The following C13orf46 variants were observed in gnomAD, a reference collection of about 807,000 sequenced individuals.
The protein encoded by C13orf46 is uncharacterized protein C13orf46.
chr13:113,953,101 C>G (rs994305964), downstream of C13orf46, among the ~76,000 whole-genome samples: 2 of 152,258 alleles, frequency 1.3e-5, no homozygotes, highest in African/African-American at 4.8e-5. Flanking sequence ...CTGAGTTCAG[C>G]GCCCACTGAG....
Position 113,962,006 on chromosome 13 carries a change from C to T in C13orf46, c.572+2921G>A, listed in dbSNP as rs1009014169. 8.1e-3 allele frequency among the ~76,000 whole-genome samples: 1,228 copies of T among 152,230 alleles called. 11 individuals are homozygous for T. The highest frequency in any genetic ancestry group is 0.012 in the Non-Finnish European group (829 of 68,012). Reference sequence around the variant, plus strand: ...ATGCTATGAAGTGTGCAGTGCTCTGCGTGATCTGTGGTTTCCCTGTAACAG... The same window carrying T: ...ATGCTATGAAGTGTGCAGTGCTCTGTGTGATCTGTGGTTTCCCTGTAACAG... On this transcript the variant is annotated intron_variant, in intron 6 of 6. Transcript: ENST00000636427.
intron 1 of C13orf46, among the ~76,000 whole-genome samples, chr13:113,972,138 C>G (rs1322682397): frequency 4.6e-5 from 7 of 152,162 alleles, no homozygotes; most frequent in African/African-American, 1.7e-4. Context: ...TCCATCCGAC[C>G]CCGGCCTCTA....
the C13orf46 span, among the ~76,000 whole-genome samples, chr13:113,945,575 A>AAGAGAGAG: frequency 3.1e-3 from 272 of 89,100 alleles, 4 homozygotes; most frequent in Middle Eastern, 0.019. Context: ...GAAAGAAAGA[A>AAGAGAGAG]AGAGAGAGAG....
chr13:113,927,511 C>G, the C13orf46 span: 1 of 398,750 alleles, frequency 2.5e-6, no homozygotes, highest in Non-Finnish European at 4.4e-6. Context: ...AAGGCCACAT[C>G]GATGCTTGGA....
At chr13:113,968,135 C>T (rs919726160) in intron 4 of C13orf46, among the ~76,000 whole-genome samples, 5 of 152,226 alleles carry the variant, frequency 3.3e-5, no homozygotes, top group African/African-American at 9.6e-5. Context: ...CACAGCATGA[C>T]GTGTCCCTGG....
chr13:113,939,920 T>C, the C13orf46 span, among the ~76,000 whole-genome samples: 3 of 152,248 alleles, frequency 2.0e-5, no homozygotes, highest in African/African-American at 7.2e-5. Context: ...AGAAACCGGG[T>C]GCCAGGCAGG....
At chr13:113,930,934 G>A in the C13orf46 span, among the ~76,000 whole-genome samples, 7 of 152,332 alleles carry the variant, frequency 4.6e-5, no homozygotes, top group African/African-American at 1.4e-4. Flanking sequence ...GGTGGGTCAC[G>A]GCCTCCAGGG....
chr13:113,967,623 G>C (rs935932580), intron 4 of C13orf46, among the ~76,000 whole-genome samples: 1 of 152,152 alleles, frequency 6.6e-6, no homozygotes, highest in Non-Finnish European at 1.5e-5. Flanking sequence ...ATGTAGGAGG[G>C]ATATGGCTTT....
downstream of C13orf46, among the ~76,000 whole-genome samples, chr13:113,948,841 C>T: frequency 6.6e-6 from 1 of 152,296 alleles, no homozygotes; most frequent in Middle Eastern, 3.4e-3. Flanking sequence ...GGTCTTTGTC[C>T]CCTGTTCCAG....
At chr13:113,949,767 G>A (rs2052481823), downstream of C13orf46, among the ~76,000 whole-genome samples, 1 of 152,120 alleles carries the variant, frequency 6.6e-6, no homozygotes, top group Admixed American at 6.5e-5. Flanking sequence ...GTGGAGTGGG[G>A]TCATCACTCA....
intron 1 of C13orf46, among the ~76,000 whole-genome samples, chr13:113,973,321 G>A (rs2052728341): frequency 6.6e-6 from 1 of 152,194 alleles, no homozygotes; most frequent in African/African-American, 2.4e-5. Flanking sequence ...CAGGGACAGA[G>A]ATCACGGTCC....
chr13:113,960,082 C>T (rs968304329), intron 6 of C13orf46, among the ~76,000 whole-genome samples: 2 of 151,816 alleles, frequency 1.3e-5, no homozygotes, highest in African/African-American at 2.4e-5. Context: ...GAAACCTTGT[C>T]TCTACTAAAA....
chr13:113,946,564 T>A, the C13orf46 span, among the ~76,000 whole-genome samples: 1 of 152,154 alleles, frequency 6.6e-6, no homozygotes, highest in Non-Finnish European at 1.5e-5. Context: ...AGCACAAATA[T>A]CCCAGTGTGC....
At chr13:113,930,374 C>T in the C13orf46 span, among the ~76,000 whole-genome samples, 11 of 97,972 alleles carry the variant, frequency 1.1e-4, no homozygotes, top group South Asian at 2.4e-4. Context: ...GCAGGAGCAC[C>T]GAGGCGGGGG....
chr13:113,942,250 C>G, the C13orf46 span, among the ~76,000 whole-genome samples: 1 of 152,152 alleles, frequency 6.6e-6, no homozygotes, highest in Non-Finnish European at 1.5e-5. Context: ...ACACGCAGCC[C>G]GGGAGGAGGG....
intron 1 of C13orf46, among the ~76,000 whole-genome samples, chr13:113,971,008 C>T (rs1270532084): frequency 1.3e-5 from 2 of 152,190 alleles, no homozygotes; most frequent in African/African-American, 4.8e-5. Context: ...TTCTCCGTTC[C>T]CAGGAGCTTG....
the C13orf46 span, among the ~76,000 whole-genome samples, chr13:113,930,404 G>A: frequency 8.6e-6 from 1 of 116,480 alleles, no homozygotes; most frequent in Non-Finnish European, 1.9e-5. Context: ...ACCGAGGCGG[G>A]GGCGCAGGAG....
the C13orf46 span, among the ~76,000 whole-genome samples, chr13:113,946,722 T>C: frequency 1.7e-4 from 26 of 151,140 alleles, no homozygotes; most frequent in African/African-American, 6.2e-4. Context: ...ATCCAGGCCA[T>C]TGGGTCTCCT....
rs1165061681 is a variant in C13orf46 at position 113,955,933 on chromosome 13, CGAG to C, written c.*837_*839del. On this transcript the variant is annotated 3_prime_UTR_variant, in exon 7 of 7. Coordinates refer to ENST00000636427, the MANE Select transcript of C13orf46 (RefSeq NM_001365455.2). ...AGAGAGGAGGAGCATCTCGCGGAGACGAGGAGCATCTGGCGGAGACGAGGAGGA... is the reference window on the plus strand; with the variant it reads ...AGAGAGGAGGAGCATCTCGCGGAGACGAGCATCTGGCGGAGACGAGGAGGA... The C allele has an allele frequency of 8.7e-6, 1 of 115,232 alleles. No individual in the cohort carries two copies. The highest frequency in any genetic ancestry group is 1.7e-5 in the Non-Finnish European group (1 of 57,544). The allele number at this position is 115,232 out of a possible 1,614,324, so 7.1% of individuals were successfully genotyped here. A position where few individuals can be genotyped will look rare whatever the true frequency, so the allele number is the denominator to read the frequency against.
Sources: allele counts gnomAD v4.1 joint callset (sites outside exome capture counted in the v4.1 genomes callset), GRCh38; gene constraint gnomAD v4.1.1; transcripts MANE v1.5; gene names NCBI Gene and HGNC (gene_info 2026-07-23, HGNC 2026-07-21).